The following TRANK1 variants were observed in gnomAD, a reference collection of about 807,000 sequenced individuals.
TRANK1 encodes the protein tetratricopeptide repeat and ankyrin repeat containing 1.
Under a neutral mutation model 266.0 loss-of-function variants are expected in TRANK1, and 198 were observed. The ratio of observed to expected loss-of-function variants is 0.74; its 90% CI spans 0.66 to 0.84. TRANK1 has a LOEUF of 0.84. TRANK1 is among the 40% of genes least tolerant of loss of function. TRANK1 has a pLI of 0.00. For synonymous variants in TRANK1, 1,396 were observed against 1,384.1 expected (o/e 1.01, Z -0.19); for missense variants, 3,326 against 3,634.6 (o/e 0.92, Z 2.18).
rs1291249724 is a variant in TRANK1 at position 36,856,334 on chromosome 3, C to T, written c.3388G>A (p.Gly1130Arg). The change falls in exon 13 of 24, where the codon GGG becomes AGG. Residue 1130 changes from glycine (G) to arginine (R), a missense_variant. By Grantham distance (125) the Gly-to-Arg change is moderately radical (BLOSUM62 -2). Transcript: ENST00000645898. ...EVEPGKESPG[G>R]EEEEEEEDEE... ...TCCTCTTCCTCCTCCTCTTCCTCCCCACCTGGACTCTCTTTTCCGGGTTCC... is the reference window on the plus strand; with the variant it reads ...TCCTCTTCCTCCTCCTCTTCCTCCCTACCTGGACTCTCTTTTCCGGGTTCC... 3.2e-6 allele frequency: 5 copies of T among 1,573,470 alleles called. No homozygotes were observed. In the Admixed American group the frequency reaches 5.7e-5, roughly 18 times the overall value.
intron 1 of TRANK1, among the ~76,000 whole-genome samples, chr3:36,927,657 G>GAGAAAAGA (rs755484446): frequency 2.0e-5 from 3 of 152,154 alleles, no homozygotes; most frequent in Non-Finnish European, 2.9e-5. Flanking sequence ...TTCTCTGCAC[G>GAGAAAAGA]CCACTGGCCC....
chr3:36,834,014 C>A, intron 21 of TRANK1, 95 bp from the exon 22 acceptor site: 1 of 1,245,134 alleles, frequency 8.0e-7, no homozygotes, highest in East Asian at 2.5e-5. Flanking sequence ...AAATAAAACT[C>A]CCACATGTAG....
chr3:36,900,989 T>C (rs2079871967), intron 3 of TRANK1, among the ~76,000 whole-genome samples: 2 of 151,712 alleles, frequency 1.3e-5, no homozygotes, highest in South Asian at 4.1e-4. Context: ...TTTGAAAGTC[T>C]AAAGACCTCA....
At chr3:36,929,938 C>T (rs1019376718) in intron 1 of TRANK1, among the ~76,000 whole-genome samples, 8 of 147,188 alleles carry the variant, frequency 5.4e-5, no homozygotes, top group African/African-American at 2.0e-4. Flanking sequence ...CGGAGTTTCA[C>T]TCTTGTTGCC....
intron 18 of TRANK1, among the ~76,000 whole-genome samples, chr3:36,841,158 C>G (rs1362296363): frequency 1.3e-5 from 2 of 152,188 alleles, no homozygotes; most frequent in Non-Finnish European, 2.9e-5. Context: ...TCAGGCCCAA[C>G]TCCATGAAAT....
intron 5 of TRANK1, among the ~76,000 whole-genome samples, chr3:36,893,881 C>T (rs574860350): frequency 4.1e-5 from 6 of 145,252 alleles, no homozygotes; most frequent in East Asian, 4.3e-4. Context: ...CAGATTGATA[C>T]CCATTCTTTT....
At chr3:36,865,786 A>C (rs1011010382) in intron 9 of TRANK1, among the ~76,000 whole-genome samples, 8 of 152,124 alleles carry the variant, frequency 5.3e-5, no homozygotes, top group Non-Finnish European at 8.8e-5. Flanking sequence ...AAAATTAGCC[A>C]GGTGTAATGG....
intron 8 of TRANK1, among the ~76,000 whole-genome samples, chr3:36,879,804 A>C (rs1277238461): frequency 1.0e-5 from 1 of 95,840 alleles, no homozygotes; most frequent in Non-Finnish European, 2.0e-5. Flanking sequence ...ATAAATATAC[A>C]AATATATGTA....
At chr3:36,911,699 T>G (rs1412236114) in intron 1 of TRANK1, among the ~76,000 whole-genome samples, 1 of 152,120 alleles carries the variant, frequency 6.6e-6, no homozygotes, top group African/African-American at 2.4e-5. Context: ...GCTTTATATC[T>G]CTACAATAGA....
intron 8 of TRANK1, among the ~76,000 whole-genome samples, chr3:36,879,238 C>T (rs1316786144): frequency 2.0e-5 from 3 of 151,614 alleles, no homozygotes; most frequent in Non-Finnish European, 2.9e-5. Context: ...GATCCTTAGG[C>T]TTATGAGAAG....
rs546570935 is a variant in TRANK1 at position 36,944,060 on chromosome 3, A to T, written c.23+727T>A. ...GTGCACAGGGCTCCCCGCGGGACGGAGACAGGGAGTTGGGAGGAAACGCAA... is the reference window on the plus strand; with the variant it reads ...GTGCACAGGGCTCCCCGCGGGACGGTGACAGGGAGTTGGGAGGAAACGCAA... On this transcript the variant is annotated intron_variant, in intron 1 of 23. Transcript: ENST00000645898. 8.6e-4 allele frequency among the ~76,000 whole-genome samples: 131 copies of T among 152,164 alleles called. 1 individual carries two copies. The highest frequency in any genetic ancestry group is 6.8e-3 in the Middle Eastern group (2 of 294).
intron 20 of TRANK1, among the ~76,000 whole-genome samples, chr3:36,836,240 G>T (rs1004302238): frequency 1.3e-5 from 2 of 152,224 alleles, no homozygotes; most frequent in South Asian, 4.1e-4. Context: ...CCTGCTCCTG[G>T]CAATACATCT....
At chr3:36,880,237 C>T (rs891165100) in intron 8 of TRANK1, 1 of 242,104 alleles carries the variant, frequency 4.1e-6, no homozygotes, top group Admixed American at 4.4e-5. Flanking sequence ...AAAGCAATTA[C>T]AATTTAAGGA....
rs2079672089 is a variant in TRANK1, at chr3:36,890,400, T to C, written c.776-440A>G. 1.3e-5 allele frequency among the ~76,000 whole-genome samples: 2 copies of C among 152,160 alleles called. 1 individual carries two copies. Among genetic ancestry groups the C allele is most frequent in the South Asian group, 4.1e-4 (2 of 4,830 alleles). On this transcript the variant is annotated intron_variant, in intron 7 of 23. Transcript: ENST00000645898. ...GAATGCACCACAGCCTGGAGCCACC[T>C]TGAGGCACTGGGGCTGGCCTTTTGA...
chr3:36,861,036 T>C lies in TRANK1; in HGVS notation c.1365A>G (p.Glu455=), dbSNP rs967796335. 2 of 1,537,730 alleles carry C rather than the reference T, an allele frequency of 1.3e-6. No homozygotes were observed. The highest frequency in any genetic ancestry group is 1.7e-6 in the Non-Finnish European group (2 of 1,147,042). The change falls in exon 11 of 24, where the codon GAA becomes GAG. Residue 455 remains glutamate (E), a synonymous_variant. Coordinates refer to ENST00000645898, the MANE Select transcript of TRANK1 (RefSeq NM_001329998.2). ...LLLLTRKVSG[E]PPLGDCLIKD... is the part of the protein sequence containing the mutation. ...TGATGAGGCAATCCCCAAGCGGTGG[T>C]TCTCCACTTACTTTGCGGGTCAGCA...
intron 18 of TRANK1, among the ~76,000 whole-genome samples, chr3:36,841,816 A>C (rs983216123): frequency 6.6e-6 from 1 of 152,162 alleles, no homozygotes; most frequent in Non-Finnish European, 1.5e-5. Context: ...GACACAGGGA[A>C]GAGATGGAAT....
At chr3:36,847,571 G>A (rs1273580652) in intron 15 of TRANK1, among the ~76,000 whole-genome samples, 2 of 152,158 alleles carry the variant, frequency 1.3e-5, no homozygotes, top group Non-Finnish European at 2.9e-5. Context: ...ACACCAAGAA[G>A]CTAAGAAGCC....
At chr3:36,841,277 G>A (rs1015086750) in intron 18 of TRANK1, among the ~76,000 whole-genome samples, 14 of 152,218 alleles carry the variant, frequency 9.2e-5, no homozygotes, top group African/African-American at 3.4e-4. Context: ...TACTTTTCCT[G>A]TAACATTTGA....
At chr3:36,924,124 C>T (rs566817797) in intron 1 of TRANK1, among the ~76,000 whole-genome samples, 51 of 152,266 alleles carry the variant, frequency 3.3e-4, no homozygotes, top group African/African-American at 1.1e-3. Context: ...GTGAGGGTTC[C>T]CTTACCCACT....
Sources: gnomAD v4.1 joint callset for allele counts (sites outside exome capture counted in the v4.1 genomes callset) on GRCh38, gnomAD v4.1.1 for gene constraint, MANE v1.5 for transcripts, NCBI Gene and HGNC (gene_info 2026-07-23, HGNC 2026-07-21) for gene names.